SLC7A13: variants seen among roughly 807,000 people sequenced by gnomAD.
The protein encoded by SLC7A13 is solute carrier family 7 member 13, also known as X-amino acid transporter 2.
Under a neutral mutation model 32.0 loss-of-function variants are expected in SLC7A13, and 31 were observed. The observed-to-expected ratio is 0.97, with a 90% CI of 0.73 to 1.31. The LOEUF (loss-of-function observed/expected upper bound fraction) is 1.31. SLC7A13 is among the 50% of genes most tolerant of loss of function. SLC7A13 has a pLI of 0.00. For synonymous variants in SLC7A13, 232 were observed against 206.9 expected (o/e 1.12, Z -1.04); for missense variants, 633 against 546.9 (o/e 1.16, Z -1.57).
rs141129466 is a variant in SLC7A13, at chr8:86,224,291, T to C, written c.686-1188A>G. Among the ~76,000 whole-genome samples, 162 of 152,254 alleles carry C rather than the reference T, an allele frequency of 1.1e-3. 1 individual carries two copies. Among genetic ancestry groups the C allele is most frequent in the African/African-American group, 3.7e-3 (153 of 41,548 alleles). ...CCTTCTTGCCATAGGGTCTACTCTC[T>C]TATGTGGAATGTTCTTTCCTAGTTG... is the stretch of plus-strand genomic sequence containing the variant. On this transcript the variant is annotated intron_variant, in intron 1 of 3. Transcript: ENST00000297524.
At chr8:86,220,215 T>A (rs929717059) in intron 2 of SLC7A13, among the ~76,000 whole-genome samples, 2 of 152,082 alleles carry the variant, frequency 1.3e-5, no homozygotes, top group African/African-American at 4.8e-5. Context: ...TTTTCTCTAG[T>A]TTTAAATATG....
At chr8:86,229,140 A>G (rs1820440163) in intron 1 of SLC7A13, among the ~76,000 whole-genome samples, 3 of 150,266 alleles carry the variant, frequency 2.0e-5, no homozygotes, top group African/African-American at 7.3e-5. Flanking sequence ...CAATGAAAGG[A>G]AAAAATTATA....
intron 1 of SLC7A13, 59 bp from the exon 2 acceptor site, chr8:86,223,162 T>C (rs1820334705): frequency 7.0e-7 from 1 of 1,434,446 alleles, no homozygotes; most frequent in Non-Finnish European, 9.3e-7. Flanking sequence ...AAATTCATTA[T>C]TTTTAGATTA....
chr8:86,222,728 T>A (rs528395107), intron 2 of SLC7A13, among the ~76,000 whole-genome samples: 1 of 152,212 alleles, frequency 6.6e-6, no homozygotes, highest in Non-Finnish European at 1.5e-5. Flanking sequence ...TTGAATCTGA[T>A]CTACACCATA....
At chr8:86,224,647 T>C (rs1446821627) in intron 1 of SLC7A13, among the ~76,000 whole-genome samples, 4 of 152,200 alleles carry the variant, frequency 2.6e-5, no homozygotes, top group Non-Finnish European at 5.9e-5. Flanking sequence ...AATTGCTCTG[T>C]GGCATGAAGA....
chr8:86,214,677 G>T, intron 3 of SLC7A13, 31 bp from the exon 4 acceptor site: 1 of 1,497,522 alleles, frequency 6.7e-7, no homozygotes, highest in Non-Finnish European at 9.2e-7. Context: ...AAAAATATTG[G>T]ATATGAACAT....
At chr8:86,217,910 A>G in intron 2 of SLC7A13, 79 bp from the exon 3 acceptor site, 1 of 1,391,950 alleles carries the variant, frequency 7.2e-7, no homozygotes, top group South Asian at 1.6e-5. Flanking sequence ...TATTATTTCA[A>G]AATGAAAACA....
At chr8:86,214,739 T>G in intron 3 of SLC7A13, 93 bp from the exon 4 acceptor site, 1 of 929,986 alleles carries the variant, frequency 1.1e-6, no homozygotes. Flanking sequence ...AGATACAAGC[T>G]AATTAAAGAA....
At chr8:86,217,938 T>C in intron 2 of SLC7A13, 107 bp from the exon 3 acceptor site, 1 of 1,203,134 alleles carries the variant, frequency 8.3e-7, no homozygotes, top group Non-Finnish European at 1.1e-6. Flanking sequence ...AAGTAATTAA[T>C]AACATTTAGT....
At chr8:86,220,693 C>G (rs1393334399) in intron 2 of SLC7A13, among the ~76,000 whole-genome samples, 2 of 151,986 alleles carry the variant, frequency 1.3e-5, no homozygotes, top group Admixed American at 6.6e-5. Context: ...ATCCCTTAAT[C>G]GTTAAAATTT....
At chr8:86,222,454 G>A (rs540361751) in intron 2 of SLC7A13, among the ~76,000 whole-genome samples, 2 of 152,044 alleles carry the variant, frequency 1.3e-5, no homozygotes, top group East Asian at 3.9e-4. Flanking sequence ...TTTCCAATAT[G>A]TTCAGGACAC....
intron 2 of SLC7A13, among the ~76,000 whole-genome samples, chr8:86,221,477 T>A (rs1400237620): frequency 6.6e-6 from 1 of 152,146 alleles, no homozygotes; most frequent in Admixed American, 6.6e-5. Flanking sequence ...AATTTTTTTT[T>A]ATTATACTTT....
chr8:86,226,376 T>C (rs1389956153), intron 1 of SLC7A13, among the ~76,000 whole-genome samples: 1 of 152,208 alleles, frequency 6.6e-6, no homozygotes, highest in African/African-American at 2.4e-5. Context: ...TTTAACTCAA[T>C]GCAAACTGAC....
intron 1 of SLC7A13, among the ~76,000 whole-genome samples, chr8:86,225,814 G>T (rs563210874): frequency 6.6e-6 from 1 of 152,012 alleles, no homozygotes; most frequent in Admixed American, 6.6e-5. Flanking sequence ...GCCTGTAGTC[G>T]CAGCTACTCA....
intron 1 of SLC7A13, among the ~76,000 whole-genome samples, chr8:86,229,081 G>A (rs186657766): frequency 1.4e-4 from 22 of 152,190 alleles, no homozygotes; most frequent in Middle Eastern, 3.4e-3. Flanking sequence ...AATGCTTGAC[G>A]TGAAAATGGT....
chr8:86,215,777 A>G, intron 3 of SLC7A13: 1 of 338,546 alleles, frequency 3.0e-6, no homozygotes, highest in South Asian at 2.2e-5. Context: ...ATGGCTCAGT[A>G]TCAGTTATCA....
intron 1 of SLC7A13, among the ~76,000 whole-genome samples, chr8:86,226,017 G>A (rs369704288): frequency 2.0e-5 from 3 of 152,230 alleles, no homozygotes. Context: ...TTAAAACTTA[G>A]ATGTACTTAA....
intron 3 of SLC7A13, among the ~76,000 whole-genome samples, chr8:86,214,959 T>A (rs751399587): frequency 5.9e-5 from 9 of 152,002 alleles, no homozygotes; most frequent in South Asian, 2.1e-4. Context: ...TAAGAGGGAG[T>A]TTCTAAGGCC....
chr8:86,214,415 A>G lies in SLC7A13; in HGVS notation c.1411T>C (p.Ter471GlnextTer13). 6.3e-7 allele frequency: 1 copy of G among 1,589,116 alleles called. No individual in the cohort carries two copies. The highest frequency in any genetic ancestry group is 8.6e-7 in the Non-Finnish European group (1 of 1,165,544). ...TTAAGAGTTTGCACTTCCGACATCT[A>G]TTCCTCAGACACATCAGGGAGGCAA... ...NICLPDVSEE[*>Q] Residue 471 changes from the stop codon to glutamine (Q), a stop_lost, in exon 4 of 4, where the codon TAG (stop) becomes CAG (glutamine). Coordinates refer to ENST00000297524, the MANE Select transcript of SLC7A13 (RefSeq NM_138817.3).
Sources: gnomAD v4.1 joint callset for allele counts (sites outside exome capture counted in the v4.1 genomes callset) on GRCh38, gnomAD v4.1.1 for gene constraint, MANE v1.5 for transcripts, NCBI Gene and HGNC (gene_info 2026-07-23, HGNC 2026-07-21) for gene names.